The following SLC35D1 variants were observed in gnomAD, a reference collection of about 807,000 sequenced individuals.
The protein encoded by SLC35D1 is nucleotide sugar transporter SLC35D1.
Under a neutral mutation model 46.7 loss-of-function variants are expected in SLC35D1, and 31 were observed. The ratio of observed to expected loss-of-function variants is 0.66; its 90% CI spans 0.50 to 0.90. The LOEUF (loss-of-function observed/expected upper bound fraction) is 0.90. Among genes scored for constraint, SLC35D1 ranks in the 40% least tolerant of loss-of-function variants. The probability of loss-of-function intolerance (pLI) is 0.00; values close to 1 mark genes in which losing one functional copy is unlikely to be tolerated. For missense variants in SLC35D1, 397 were observed against 426.2 expected (o/e 0.93, Z 0.60); for synonymous variants, 195 against 164.6 (o/e 1.18, Z -1.41).
chr1:67,039,493 T>TTGTGTGTGTGTGTGTGTGTGTG (rs71801070), intron 8 of SLC35D1, among the ~76,000 whole-genome samples: 1 of 148,666 alleles, frequency 6.7e-6, no homozygotes, highest in Non-Finnish European at 1.5e-5. Context: ...AGTGAAAAAA[T>TTGTGTGTGTGTGTGTGTGTGTG]TGTGTGTGTG....
At chr1:67,032,141 A>G in intron 8 of SLC35D1, 1 of 959,446 alleles carries the variant, frequency 1.0e-6, no homozygotes, top group Non-Finnish European at 1.2e-6. Context: ...GATGCTTCTT[A>G]GGCTTTCCTT....
chr1:67,014,700 T>C (rs928298601), intron 10 of SLC35D1, among the ~76,000 whole-genome samples: 1 of 110,976 alleles, frequency 9.0e-6, no homozygotes, highest in Admixed American at 1.3e-4. Context: ...TTGGCCTGGT[T>C]GGATTGATCA....
At chr1:67,034,520 C>A (rs1017485401) in intron 8 of SLC35D1, among the ~76,000 whole-genome samples, 2 of 152,112 alleles carry the variant, frequency 1.3e-5, no homozygotes. Context: ...GGAAATGCCA[C>A]TGATTTTTGT....
intron 7 of SLC35D1, among the ~76,000 whole-genome samples, chr1:67,044,432 A>G (rs531017992): frequency 6.6e-6 from 1 of 152,350 alleles, no homozygotes; most frequent in South Asian, 2.1e-4. Flanking sequence ...AAAATGTTTA[A>G]TGATGCTGAT....
At chr1:67,021,648 A>C in intron 8 of SLC35D1, 46 bp from the exon 9 acceptor site, 1 of 1,592,916 alleles carries the variant, frequency 6.3e-7, no homozygotes, top group Non-Finnish European at 8.6e-7. Flanking sequence ...GGCCTTCAAA[A>C]TCAGCTATCC....
At chr1:67,039,188 T>C (rs773361744) in intron 8 of SLC35D1, among the ~76,000 whole-genome samples, 2 of 152,210 alleles carry the variant, frequency 1.3e-5, no homozygotes, top group Admixed American at 6.5e-5. Context: ...AACTGCAATG[T>C]GGGTCAAGAG....
At chr1:66,975,091 T>C in the SLC35D1 span, among the ~76,000 whole-genome samples, 5 of 152,188 alleles carry the variant, frequency 3.3e-5, no homozygotes, top group South Asian at 2.1e-4. Context: ...AAGCAAAATA[T>C]ATGTTGGGTA....
At chr1:66,998,597 C>A (rs1170710111), downstream of SLC35D1, among the ~76,000 whole-genome samples, 1 of 152,148 alleles carries the variant, frequency 6.6e-6, no homozygotes, top group Non-Finnish European at 1.5e-5. Context: ...CCCAAGTACC[C>A]ATCAACCAAA....
downstream of SLC35D1, among the ~76,000 whole-genome samples, chr1:66,997,942 C>G (rs1257456828): frequency 6.6e-6 from 1 of 151,700 alleles, no homozygotes; most frequent in Non-Finnish European, 1.5e-5. Flanking sequence ...CTCAACATCA[C>G]TAATCATTAG....
At chr1:67,034,134 A>G (rs1402895580) in intron 8 of SLC35D1, among the ~76,000 whole-genome samples, 4 of 152,112 alleles carry the variant, frequency 2.6e-5, no homozygotes, top group Admixed American at 2.0e-4. Context: ...TGATTCCTCC[A>G]GTTTTGTTCT....
At chr1:67,025,980 TACAC>T (rs1202215053) in intron 8 of SLC35D1, among the ~76,000 whole-genome samples, 1 of 152,202 alleles carries the variant, frequency 6.6e-6, no homozygotes, top group Non-Finnish European at 1.5e-5. Context: ...ATGTTTTTAA[TACAC>T]ACAGTTTTGC....
chr1:67,031,111 T>C (rs1485457227), intron 8 of SLC35D1, among the ~76,000 whole-genome samples: 1 of 152,174 alleles, frequency 6.6e-6, no homozygotes, highest in Non-Finnish European at 1.5e-5. Context: ...AATAATGATA[T>C]CTGCAGGACA....
chr1:67,053,882 C>T lies in SLC35D1; in HGVS notation c.132G>A (p.Leu44=). The T allele has an allele frequency of 6.2e-7, 1 of 1,613,764 alleles. No homozygotes were observed. The highest frequency in any genetic ancestry group is 8.5e-7 in the Non-Finnish European group (1 of 1,179,740). Residue 44 remains leucine (L), a synonymous_variant, in exon 1 of 12, where the codon CTG becomes CTA. Coordinates refer to ENST00000235345, the MANE Select transcript of SLC35D1 (RefSeq NM_015139.3). ...AETLTVFLKL[L]AAGFYGVSSF... ...AGCTCACGCCGTAAAAGCCGGCGGC[C>T]AGCAGCTTCAGAAACACGGTCAGCG...
intron 8 of SLC35D1, among the ~76,000 whole-genome samples, chr1:67,027,618 C>T (rs1447726923): frequency 6.6e-6 from 1 of 152,044 alleles, no homozygotes; most frequent in East Asian, 1.9e-4. Context: ...TTAGATCTTT[C>T]TTCTTTTCTA....
intron 10 of SLC35D1, among the ~76,000 whole-genome samples, chr1:67,012,748 C>T (rs148745806): frequency 2.4e-4 from 36 of 152,220 alleles, no homozygotes; most frequent in Non-Finnish European, 4.3e-4. Context: ...TTTAGATCCC[C>T]TGTGGGATTC....
chr1:67,009,026 G>A (rs1049286274), intron 11 of SLC35D1, 59 bp downstream of exon 11: 4 of 805,964 alleles, frequency 5.0e-6, no homozygotes, highest in Non-Finnish European at 8.7e-6. Flanking sequence ...TAACCTTATT[G>A]TGACACTATT....
chr1:67,032,790 T>C (rs183835340), intron 8 of SLC35D1, among the ~76,000 whole-genome samples: 1 of 152,278 alleles, frequency 6.6e-6, no homozygotes. Flanking sequence ...CTTTTAGCTA[T>C]ATTTTGAAAT....
At chr1:66,997,577 ATACAC>A (rs1369485465), downstream of SLC35D1, among the ~76,000 whole-genome samples, 60 of 133,786 alleles carry the variant, frequency 4.5e-4, no homozygotes, top group East Asian at 1.7e-3. Flanking sequence ...GTGTATATAT[ATACAC>A]ACACAGATAT....
At chr1:67,013,158 A>ATATATATATATATACGTATATATATG in intron 10 of SLC35D1, among the ~76,000 whole-genome samples, 7 of 103,626 alleles carry the variant, frequency 6.8e-5, no homozygotes, top group African/African-American at 2.8e-4. Flanking sequence ...TATCCTGGAG[A>ATATATATATATATACGTATATATATG]TATATATATA....
Sources: allele counts gnomAD v4.1 joint callset (sites outside exome capture counted in the v4.1 genomes callset), GRCh38; gene constraint gnomAD v4.1.1; transcripts MANE v1.5; gene names NCBI Gene and HGNC (gene_info 2026-07-23, HGNC 2026-07-21).